Variants in PPP2R5E observed in about 807,000 individuals in gnomAD.
PPP2R5E encodes the protein serine/threonine-protein phosphatase 2A 56 kDa regulatory subunit epsilon isoform.
Under a neutral mutation model 65.3 loss-of-function variants are expected in PPP2R5E, and 4 were observed. The observed-to-expected ratio is 0.06, with a 90% CI of 0.03 to 0.14. PPP2R5E has a LOEUF of 0.14. Ranked by LOEUF, PPP2R5E falls within the 10% of genes least tolerant of loss-of-function variation. The pLI is 1.00. For missense variants in PPP2R5E, 274 were observed against 556.1 expected, an observed-to-expected ratio of 0.49 and a Z score of 5.10; for synonymous variants, 183 against 187.4, an observed-to-expected ratio of 0.98 and a Z score of 0.19.
At chr14:63,460,301 C>A (rs140824815) in intron 2 of PPP2R5E, among the ~76,000 whole-genome samples, 34 of 152,294 alleles carry the variant, frequency 2.2e-4, no homozygotes, top group Middle Eastern at 3.4e-3. Context: ...ATTTGTCCAA[C>A]ATGACACACT....
chr14:63,507,597 T>C lies in PPP2R5E; in HGVS notation c.157+31932A>G, dbSNP rs1181293687. Among the ~76,000 whole-genome samples, 309 of 129,070 alleles carry C rather than the reference T, an allele frequency of 2.4e-3. 1 individual carries two copies. Among genetic ancestry groups the C allele is most frequent in the African/African-American group, 9.7e-3 (304 of 31,414 alleles). The allele number at this position is 129,070 out of a possible 152,430, so 84.7% of individuals were successfully genotyped here. A position where few individuals can be genotyped will look rare whatever the true frequency, so the allele number is the denominator to read the frequency against. On this transcript the variant is annotated intron_variant, in intron 2 of 13. Coordinates refer to ENST00000337537, the MANE Select transcript of PPP2R5E (RefSeq NM_006246.5). ...TCTCTTTTTTTTTTTTTTTTTTTTT[T>C]GAGACGGAGTCTTGTTCTGTCGCCC...
At chr14:63,521,353 G>T (rs1222823772) in intron 2 of PPP2R5E, among the ~76,000 whole-genome samples, 2 of 152,098 alleles carry the variant, frequency 1.3e-5, no homozygotes, top group African/African-American at 4.8e-5. Context: ...ATTATTTCTA[G>T]AAGACGGGTT....
At chr14:63,412,560 G>A (rs994686531) in intron 5 of PPP2R5E, among the ~76,000 whole-genome samples, 1 of 152,210 alleles carries the variant, frequency 6.6e-6, no homozygotes, top group Non-Finnish European at 1.5e-5. Context: ...TAACAAATGA[G>A]AGAAGGTTGA....
At chr14:63,456,797 G>T (rs1594894630) in intron 2 of PPP2R5E, among the ~76,000 whole-genome samples, 1 of 152,214 alleles carries the variant, frequency 6.6e-6, no homozygotes, top group African/African-American at 2.4e-5. Flanking sequence ...AAACACAGAA[G>T]AGGAGGAAGA....
At chr14:63,384,687 G>A in intron 11 of PPP2R5E, 116 bp from the exon 12 acceptor site, 1 of 803,606 alleles carries the variant, frequency 1.2e-6, no homozygotes, top group Non-Finnish European at 1.9e-6. Flanking sequence ...CATTCAATTA[G>A]AGGTAAAATT....
At chr14:63,530,907 G>A (rs61984002) in intron 2 of PPP2R5E, among the ~76,000 whole-genome samples, 16,332 of 152,006 alleles carry the variant, frequency 0.11, 929 homozygotes, top group East Asian at 0.16. Flanking sequence ...GTGAGCCACC[G>A]CGCCTGGCCA....
At chr14:63,463,316 T>A (rs1250854575) in intron 2 of PPP2R5E, among the ~76,000 whole-genome samples, 1 of 149,778 alleles carries the variant, frequency 6.7e-6, no homozygotes, top group Non-Finnish European at 1.5e-5. Flanking sequence ...ATTTTTTGTA[T>A]CTTTTAGTAG....
chr14:63,389,750 T>C lies in PPP2R5E; in HGVS notation c.955-19A>G. 6.4e-7 allele frequency: 1 copy of C among 1,569,350 alleles called. No homozygotes were observed. Among genetic ancestry groups the C allele is most frequent in the Non-Finnish European group, 8.6e-7 (1 of 1,159,342 alleles). Reference sequence around the variant, plus strand: ...ACATGACCTGTAAGTACAAGCAAAATACAAGATGTGAGGCACATCATGAAA... The same window carrying C: ...ACATGACCTGTAAGTACAAGCAAAACACAAGATGTGAGGCACATCATGAAA... On this transcript the variant is annotated intron_variant, in intron 10 of 13. Transcript: ENST00000337537.
chr14:63,486,470 ATATC>A (rs1258633864), intron 2 of PPP2R5E, among the ~76,000 whole-genome samples: 5 of 152,052 alleles, frequency 3.3e-5, no homozygotes, highest in Admixed American at 2.0e-4. Flanking sequence ...TCATACATAA[ATATC>A]TATTATGTAT....
chr14:63,535,273 T>A (rs1260785195), intron 2 of PPP2R5E, among the ~76,000 whole-genome samples: 2 of 151,826 alleles, frequency 1.3e-5, no homozygotes, highest in African/African-American at 4.8e-5. Context: ...TACAAAAAAA[T>A]TAGCTTGGTG....
rs1883883644 is a variant in PPP2R5E at position 63,374,648 on chromosome 14, T to TATATATATATATATATATATAC, written c.*1360_*1361insGTATATATATATATATATATAT. ...AGAGCCAATAAGATATATATATATATATATATATATATATATATATAAAAT... is the reference window on the plus strand; with the variant it reads ...AGAGCCAATAAGATATATATATATATATATATATATATATATATATACATATATATATATATATATATAAAAT... On this transcript the variant is annotated 3_prime_UTR_variant, in exon 14 of 14. Coordinates refer to ENST00000337537, the MANE Select transcript of PPP2R5E (RefSeq NM_006246.5). The TATATATATATATATATATATAC allele has an allele frequency of 1.0e-4, 11 of 105,076 alleles. No individual in the cohort carries two copies. Among genetic ancestry groups the TATATATATATATATATATATAC allele is most frequent in the Admixed American group, 7.7e-4 (9 of 11,672 alleles). 6.5% of individuals were successfully genotyped at this position (105,076 alleles called of 1,614,324 possible). A position where few individuals can be genotyped will look rare whatever the true frequency, so the allele number is the denominator to read the frequency against.
At position 63,428,364 on chromosome 14, in the gene PPP2R5E, A is replaced by T. The variant is rs574823054; in HGVS notation, c.355-6270T>A. Among the ~76,000 whole-genome samples the T allele has an allele frequency of 2.6e-5, 4 of 152,360 alleles. No individual in the cohort carries two copies. The East Asian group carries it at 7.7e-4, about 29-fold the overall frequency. ...GACACTGGTGAAATCTGACTTTCAG[A>T]TAAACGACAAATAATTTTTCAGTAT... On this transcript the variant is annotated intron_variant, in intron 3 of 13. Coordinates refer to ENST00000337537, the MANE Select transcript of PPP2R5E (RefSeq NM_006246.5).
intron 2 of PPP2R5E, among the ~76,000 whole-genome samples, chr14:63,469,470 A>G (rs1304633385): frequency 6.6e-6 from 1 of 152,228 alleles, no homozygotes; most frequent in Non-Finnish European, 1.5e-5. Flanking sequence ...AGGCGGGCTG[A>G]TCACGAGGTC....
intron 2 of PPP2R5E, among the ~76,000 whole-genome samples, chr14:63,465,231 G>A (rs1227812914): frequency 6.6e-6 from 1 of 151,856 alleles, no homozygotes; most frequent in Non-Finnish European, 1.5e-5. Flanking sequence ...TATCTTCTGT[G>A]CAGAAATACT....
At chr14:63,403,016 G>T (rs1473253957) in intron 5 of PPP2R5E, among the ~76,000 whole-genome samples, 1 of 152,162 alleles carries the variant, frequency 6.6e-6, no homozygotes, top group East Asian at 1.9e-4. Flanking sequence ...TAAAGGATAA[G>T]GCATTCACCT....
intron 2 of PPP2R5E, among the ~76,000 whole-genome samples, chr14:63,523,214 G>A (rs1893036656): frequency 6.6e-6 from 1 of 151,912 alleles, no homozygotes; most frequent in Non-Finnish European, 1.5e-5. Flanking sequence ...GGTGTGCCCG[G>A]CAGCTCATTG....
chr14:63,429,082 T>C (rs1005435686), intron 3 of PPP2R5E, among the ~76,000 whole-genome samples: 4 of 152,192 alleles, frequency 2.6e-5, no homozygotes, highest in African/African-American at 9.7e-5. Flanking sequence ...TGTAGTTATA[T>C]TTTTGTTAAG....
intron 2 of PPP2R5E, among the ~76,000 whole-genome samples, chr14:63,480,868 G>C (rs1890662349): frequency 1.3e-5 from 2 of 152,118 alleles, no homozygotes; most frequent in Admixed American, 6.5e-5. Flanking sequence ...ACATTAAAAG[G>C]AGAAACACAC....
At chr14:63,453,235 T>C (rs938181319) in intron 3 of PPP2R5E, 1 of 152,472 alleles carries the variant, frequency 6.6e-6, no homozygotes, top group Non-Finnish European at 1.5e-5. Context: ...GCGTTAGTTA[T>C]AAAGCCCAAG....
Sources: allele counts gnomAD v4.1 joint callset (sites outside exome capture counted in the v4.1 genomes callset), GRCh38; gene constraint gnomAD v4.1.1; transcripts MANE v1.5; gene names NCBI Gene and HGNC (gene_info 2026-07-23, HGNC 2026-07-21).